PDGFRB: variants seen among roughly 807,000 people sequenced by gnomAD.
The protein encoded by PDGFRB is platelet derived growth factor receptor beta, also known as platelet-derived growth factor receptor beta.
A neutral mutation model predicts 120.2 loss-of-function variants in PDGFRB; 42 were observed. That is an observed-to-expected ratio of 0.35 (90% CI 0.27 to 0.45). The LOEUF (loss-of-function observed/expected upper bound fraction) is 0.45, where lower values mean the gene tolerates loss of function less well. Ranked by LOEUF, PDGFRB falls within the 20% of genes least tolerant of loss-of-function variation. The pLI is 1.00. For missense variants in PDGFRB, 1,149 were observed against 1,476.3 expected, an observed-to-expected ratio of 0.78 and a Z score of 3.63; for synonymous variants, 586 against 606.8, an observed-to-expected ratio of 0.97 and a Z score of 0.50.
intron 1 of PDGFRB, among the ~76,000 whole-genome samples, chr5:150,143,916 G>C (rs1045952972): frequency 6.6e-6 from 1 of 152,068 alleles, no homozygotes; most frequent in Non-Finnish European, 1.5e-5. Flanking sequence ...AGAGCAGCCC[G>C]GCGCAGCCCA....
Position 150,132,928 on chromosome 5 carries a change from G to A in PDGFRB, c.949C>T (p.Arg317Trp), listed in dbSNP as rs759481106. ...AGTGTGCCCACCTCTCCCAGGAGCCGCACGTAGCCGCTCTCTGCAAGGGGT... is the reference window on the plus strand; with the variant it reads ...AGTGTGCCCACCTCTCCCAGGAGCCACACGTAGCCGCTCTCTGCAAGGGGT... ...NITVVESGYVRLLGEVGTLQF... is the reference protein window; with the variant it reads ...NITVVESGYVWLLGEVGTLQF... The change falls in exon 7 of 23, where the codon CGG becomes TGG. Residue 317 changes from arginine to tryptophan, a missense_variant. Arg to Trp is a moderately radical substitution (Grantham distance 101). Around this residue, in one of 3 missense-constraint regions of PDGFRB, gnomAD observed 879 missense variants for 1,108.6 expected, o/e 0.79. Coordinates refer to ENST00000261799, the MANE Select transcript of PDGFRB (RefSeq NM_002609.4). This position sits in a 1 kb window ranked among gnomAD's most constrained non-coding sequence, Gnocchi z 5.0. 2.8e-5 allele frequency: 44 copies of A among 1,561,080 alleles called. No individual in the cohort carries two copies. Among genetic ancestry groups the A allele is most frequent in the East Asian group, 9.5e-5 (4 of 42,048 alleles).
chr5:150,129,991 T>G (rs1562003292), intron 9 of PDGFRB, 23 bp from the exon 10 acceptor site: 1 of 1,592,988 alleles, frequency 6.3e-7, no homozygotes, highest in Non-Finnish European at 8.6e-7. Context: ...CCGGTAGGGT[T>G]GGCTGCCAGC....
At chr5:150,117,873 C>A (rs1760011529) in intron 21 of PDGFRB, 23 bp from the exon 22 acceptor site, 1 of 1,422,244 alleles carries the variant, frequency 7.0e-7, no homozygotes. Flanking sequence ...CAGGGAGAAC[C>A]AAAGAAACAG....
At chr5:150,119,618 C>T in intron 19 of PDGFRB, 52 bp from the exon 20 acceptor site, 1 of 1,068,758 alleles carries the variant, frequency 9.4e-7, no homozygotes, top group Non-Finnish European at 1.5e-6. Flanking sequence ...GGAAAAGTGG[C>T]AGGGCACCCT....
At chr5:150,136,386 G>A (rs755013842) in intron 2 of PDGFRB, among the ~76,000 whole-genome samples, 3 of 152,106 alleles carry the variant, frequency 2.0e-5, no homozygotes, top group Non-Finnish European at 4.4e-5. Flanking sequence ...AGGGAACTGG[G>A]GTTGGGGGTG....
At chr5:150,119,412 G>T in intron 20 of PDGFRB, 55 bp downstream of exon 20, 2 of 969,768 alleles carry the variant, frequency 2.1e-6, no homozygotes, top group Non-Finnish European at 3.4e-6. Flanking sequence ...CAGTAGAGTT[G>T]GATATCTATT....
intron 2 of PDGFRB, among the ~76,000 whole-genome samples, chr5:150,136,671 C>A (rs1370365671): frequency 1.3e-5 from 2 of 152,108 alleles, no homozygotes; most frequent in Admixed American, 1.3e-4. Flanking sequence ...AAGCTCCCAG[C>A]CAATGAGGGG....
intron 10 of PDGFRB, 86 bp from the exon 11 acceptor site, chr5:150,126,700 T>C: frequency 2.6e-6 from 2 of 764,624 alleles, no homozygotes; most frequent in Non-Finnish European, 4.8e-6. Context: ...GATCCCTCCG[T>C]ACACATCCTG....
chr5:150,155,173 G>A (rs548751624), intron 1 of PDGFRB, among the ~76,000 whole-genome samples: 6 of 152,248 alleles, frequency 3.9e-5, no homozygotes, highest in African/African-American at 1.4e-4. Context: ...AGGAGCAGCA[G>A]GGATGATGAG....
Position 150,136,339 on chromosome 5 carries a change from G to T in PDGFRB, c.41-461C>A, listed in dbSNP as rs189581533. On this transcript the variant is annotated intron_variant, in intron 2 of 22. Coordinates refer to ENST00000261799, the MANE Select transcript of PDGFRB (RefSeq NM_002609.4). ...AGGGAGGGGCTTAGGTAGCTCAGAG[G>T]GGGGCCAGAAAAGATGCTGAGGCCC... 2.6e-3 allele frequency among the ~76,000 whole-genome samples: 398 copies of T among 152,322 alleles called. 1 individual carries two copies. The highest frequency in any genetic ancestry group is 8.9e-3 in the African/African-American group (372 of 41,570).
At chr5:150,125,638 G>C in intron 11 of PDGFRB, 61 bp from the exon 12 acceptor site, 1 of 1,572,766 alleles carries the variant, frequency 6.4e-7, no homozygotes, top group East Asian at 2.2e-5. Flanking sequence ...AGCCCCATTA[G>C]GTTCGTCCGT....
intron 1 of PDGFRB, among the ~76,000 whole-genome samples, chr5:150,138,375 G>A (rs765893497): frequency 2.0e-5 from 3 of 152,114 alleles, no homozygotes; most frequent in Non-Finnish European, 2.9e-5. Context: ...TTGTGCCATC[G>A]CTCTCCCTGT....
In PDGFRB at chr5:150,115,757, AG is replaced by A; in HGVS notation, c.*5del. The A allele has an allele frequency of 6.3e-7, 1 of 1,590,454 alleles. No individual in the cohort carries two copies. Among genetic ancestry groups the A allele is most frequent in the Non-Finnish European group, 8.6e-7 (1 of 1,167,300 alleles). On this transcript the variant is annotated 3_prime_UTR_variant, in exon 23 of 23. Transcript: ENST00000261799. Reference sequence around the variant, plus strand: ...CTTCAGGCAGGGCAGGGTAGGGGCCAGCCCCCTACAGGAAGCTATCCTCTGC... The same window carrying A: ...CTTCAGGCAGGGCAGGGTAGGGGCCACCCCCTACAGGAAGCTATCCTCTGC...
In PDGFRB at chr5:150,154,828, C is replaced by T. The variant is rs544324698; in HGVS notation, c.-7+569G>A. On this transcript the variant is annotated intron_variant, in intron 1 of 22. Coordinates refer to ENST00000261799, the MANE Select transcript of PDGFRB (RefSeq NM_002609.4). ...GGTTGCCATGGCCGCCCATCACCCTCGAACTTTCCTAGCCCTCAAACTTTT... is the reference window on the plus strand; with the variant it reads ...GGTTGCCATGGCCGCCCATCACCCTTGAACTTTCCTAGCCCTCAAACTTTT... 5.9e-5 allele frequency among the ~76,000 whole-genome samples: 9 copies of T among 152,346 alleles called. No homozygotes were observed. In the South Asian group the frequency reaches 1.9e-3, roughly 32 times the overall value.
intron 1 of PDGFRB, among the ~76,000 whole-genome samples, chr5:150,144,063 T>C (rs1760852117): frequency 6.6e-6 from 1 of 152,034 alleles, no homozygotes; most frequent in African/African-American, 2.4e-5. Flanking sequence ...GTGCTCCCGC[T>C]GCTCTGGAAG....
intron 14 of PDGFRB, among the ~76,000 whole-genome samples, chr5:150,123,870 G>A (rs149663994): frequency 6.6e-6 from 1 of 152,306 alleles, no homozygotes; most frequent in East Asian, 1.9e-4. Flanking sequence ...TTTCTTCTAT[G>A]ATCAAATGAA....
At chr5:150,141,752 G>T (rs1455037899) in intron 1 of PDGFRB, among the ~76,000 whole-genome samples, 3 of 148,086 alleles carry the variant, frequency 2.0e-5, no homozygotes, top group Non-Finnish European at 4.5e-5. Context: ...AGGCAGAAGT[G>T]TATGTGTGTG....
intron 1 of PDGFRB, among the ~76,000 whole-genome samples, chr5:150,150,082 A>T (rs1026236490): frequency 1.3e-5 from 2 of 152,178 alleles, no homozygotes; most frequent in African/African-American, 2.4e-5. Context: ...ACCCAGGAAG[A>T]TTCCCATTTC....
chr5:150,134,395 ACAAGAG>A (rs1159604751), intron 4 of PDGFRB, among the ~76,000 whole-genome samples: 1 of 152,220 alleles, frequency 6.6e-6, no homozygotes, highest in Non-Finnish European at 1.5e-5. Context: ...TCCCCACGTT[ACAAGAG>A]GGGAAGCAGG....
Sources: allele counts gnomAD v4.1 joint callset (sites outside exome capture counted in the v4.1 genomes callset), GRCh38; gene constraint gnomAD v4.1.1; regional missense constraint gnomAD v4.1.1; non-coding constraint Gnocchi (gnomAD v3.1); transcripts MANE v1.5; gene names NCBI Gene and HGNC (gene_info 2026-07-23, HGNC 2026-07-21).